GRAMD1B: variants seen among roughly 807,000 people sequenced by gnomAD.
GRAMD1B encodes GRAM domain containing 1B.
Under a neutral mutation model 99.7 loss-of-function variants are expected in GRAMD1B, and 37 were observed. The observed-to-expected ratio is 0.37, with a 90% CI of 0.29 to 0.49. The LOEUF (loss-of-function observed/expected upper bound fraction) is 0.49, where lower values mean the gene tolerates loss of function less well. Ranked by LOEUF, GRAMD1B falls within the 20% of genes least tolerant of loss-of-function variation. The probability of loss-of-function intolerance (pLI) is 0.98; values close to 1 mark genes in which losing one functional copy is unlikely to be tolerated. For missense variants in GRAMD1B, 888 were observed against 1,009.2 expected (o/e 0.88, Z 1.63); for synonymous variants, 427 against 387.6 (o/e 1.10, Z -1.19).
intron 1 of GRAMD1B, among the ~76,000 whole-genome samples, chr11:123,462,895 A>T (rs866284722): frequency 0.027 from 2,902 of 106,536 alleles, 88 homozygotes; most frequent in African/African-American, 0.089. Context: ...ATAAATTAAA[A>T]AAAAAAAAAA....
At chr11:123,613,293 G>A (rs1953858983) in intron 15 of GRAMD1B, 162 bp from the exon 16 acceptor site, 1 of 609,240 alleles carries the variant, frequency 1.6e-6, no homozygotes, top group South Asian at 2.1e-5. Context: ...GGTTTGACTG[G>A]GGCTGGGTCC....
intron 1 of GRAMD1B, among the ~76,000 whole-genome samples, chr11:123,438,950 A>T (rs1949285767): frequency 6.6e-6 from 1 of 152,182 alleles, no homozygotes; most frequent in Non-Finnish European, 1.5e-5. Context: ...GCTGGCCCGG[A>T]GAGCCTGGAG....
intron 1 of GRAMD1B, among the ~76,000 whole-genome samples, chr11:123,362,348 G>T (rs1946172395): frequency 6.6e-6 from 1 of 152,136 alleles, no homozygotes; most frequent in South Asian, 2.1e-4. Context: ...ATCCTAATGG[G>T]CATAAAACAG....
At chr11:123,613,424 G>T (rs1221542553) in intron 15 of GRAMD1B, 31 bp from the exon 16 acceptor site, 3 of 1,496,754 alleles carry the variant, frequency 2.0e-6, no homozygotes, top group South Asian at 2.4e-5. Context: ...GCTGAAGGTG[G>T]CCTCTCCTGT....
chr11:123,425,327 T>C (rs2136060835), upstream of GRAMD1B, among the ~76,000 whole-genome samples: 1 of 152,292 alleles, frequency 6.6e-6, no homozygotes, highest in African/African-American at 2.4e-5. Flanking sequence ...TTCCTTGGGA[T>C]GGGCAGCCAA....
intron 5 of GRAMD1B, among the ~76,000 whole-genome samples, 180 bp downstream of exon 5, chr11:123,594,346 G>A (rs890283926): frequency 6.6e-6 from 1 of 152,210 alleles, no homozygotes; most frequent in Non-Finnish European, 1.5e-5. Flanking sequence ...CAGGCTTGTG[G>A]CAGCCTCAAG....
intron 1 of GRAMD1B, among the ~76,000 whole-genome samples, chr11:123,360,300 AATGTTCCT>A (rs1398133294): frequency 6.6e-6 from 1 of 152,112 alleles, no homozygotes; most frequent in Admixed American, 6.5e-5. Context: ...GCTTGTACTG[AATGTTCCT>A]ATTTATGGGA....
chr11:123,488,382 C>G (rs1216700071), intron 2 of GRAMD1B, among the ~76,000 whole-genome samples: 1 of 152,134 alleles, frequency 6.6e-6, no homozygotes, highest in East Asian at 1.9e-4. Flanking sequence ...GGATACCTCC[C>G]CCCGGAGCTC....
chr11:123,375,799 G>C (rs1946673043), intron 1 of GRAMD1B, among the ~76,000 whole-genome samples: 1 of 152,204 alleles, frequency 6.6e-6, no homozygotes, highest in African/African-American at 2.4e-5. Flanking sequence ...GTTGGAGAAT[G>C]ATGGGAATGG....
At chr11:123,549,587 A>G (rs1945415808) in intron 2 of GRAMD1B, among the ~76,000 whole-genome samples, 1 of 152,118 alleles carries the variant, frequency 6.6e-6, no homozygotes. Context: ...GAAATGACCT[A>G]CAGAGTCATC....
At chr11:123,514,329 T>G (rs1286453747) in intron 2 of GRAMD1B, among the ~76,000 whole-genome samples, 1 of 152,206 alleles carries the variant, frequency 6.6e-6, no homozygotes, top group Non-Finnish European at 1.5e-5. Context: ...GTTGGACATA[T>G]CTAGGTTCAA....
At chr11:123,584,787 G>GT in intron 4 of GRAMD1B, among the ~76,000 whole-genome samples, 1 of 152,264 alleles carries the variant, frequency 6.6e-6, no homozygotes, top group African/African-American at 2.4e-5. Context: ...CCTGTCCCAA[G>GT]TACCCCTTCA....
At chr11:123,404,454 G>A (rs915349230) in intron 1 of GRAMD1B, among the ~76,000 whole-genome samples, 1 of 152,184 alleles carries the variant, frequency 6.6e-6, no homozygotes, top group Non-Finnish European at 1.5e-5. Flanking sequence ...GAATAAATTA[G>A]TTTCTGAACA....
intron 11 of GRAMD1B, chr11:123,608,175 C>A: frequency 3.4e-6 from 1 of 290,904 alleles, no homozygotes; most frequent in Non-Finnish European, 6.4e-6. Context: ...CCAGCCCCAG[C>A]CTTAGCAGCA....
chr11:123,561,234 A>G (rs547543398), intron 2 of GRAMD1B, among the ~76,000 whole-genome samples: 2 of 152,224 alleles, frequency 1.3e-5, no homozygotes, highest in African/African-American at 4.8e-5. Flanking sequence ...GGAGGTGTGG[A>G]CAGGCCATGT....
At chr11:123,561,961 A>G (rs1946818938) in intron 2 of GRAMD1B, among the ~76,000 whole-genome samples, 1 of 152,160 alleles carries the variant, frequency 6.6e-6, no homozygotes, top group Non-Finnish European at 1.5e-5. Context: ...GGGAGTGGAG[A>G]ATCAGCTAGT....
rs1489795135 is a variant in GRAMD1B at position 123,462,896 on chromosome 11, A to AT, written c.375-17920_375-17919insT. Among the ~76,000 whole-genome samples, 616 of 148,314 alleles carry AT rather than the reference A, an allele frequency of 4.2e-3. 3 individuals are homozygous for AT. Among genetic ancestry groups the AT allele is most frequent in the Admixed American group, 8.8e-3 (131 of 14,902 alleles). On this transcript the variant is annotated intron_variant, in intron 1 of 19. Coordinates refer to ENST00000635736, the MANE Select transcript of GRAMD1B (RefSeq NM_001387025.1). The stretch of plus-strand genomic sequence containing the variant: ...TTATCAATAAAAAAATAAATTAAAA[A>AT]AAAAAAAAAAAAAAAAGAAATCCCT...
chr11:123,554,009 C>T (rs530855966), intron 2 of GRAMD1B, among the ~76,000 whole-genome samples: 1 of 152,222 alleles, frequency 6.6e-6, no homozygotes, highest in Non-Finnish European at 1.5e-5. Context: ...GTCTATATAC[C>T]CTCTGTTTCC....
chr11:123,513,583 TTC>T, intron 2 of GRAMD1B, among the ~76,000 whole-genome samples: 10 of 69,018 alleles, frequency 1.4e-4, no homozygotes, highest in African/African-American at 6.4e-4. Flanking sequence ...CTTCCTTTCC[TTC>T]CTTCCTTCCT....
Sources: allele counts gnomAD v4.1 joint callset (sites outside exome capture counted in the v4.1 genomes callset), GRCh38; gene constraint gnomAD v4.1.1; transcripts MANE v1.5; gene names NCBI Gene and HGNC (gene_info 2026-07-23, HGNC 2026-07-21).